Variants in KAZALD1 observed in about 807,000 individuals in gnomAD.
KAZALD1 encodes the protein kazal-type serine protease inhibitor domain-containing protein 1.
A neutral mutation model predicts 27.7 loss-of-function variants in KAZALD1; 31 were observed. That is an observed-to-expected ratio of 1.12 (90% CI 0.84 to 1.51). The LOEUF (loss-of-function observed/expected upper bound fraction) is 1.51. Among genes scored for constraint, KAZALD1 ranks in the 40% most tolerant of loss-of-function variants. KAZALD1 has a pLI of 0.00. For missense variants in KAZALD1, 444 were observed against 408.9 expected, an observed-to-expected ratio of 1.09 and a Z score of -0.74; for synonymous variants, 179 against 182.0, an observed-to-expected ratio of 0.98 and a Z score of 0.13.
At chr10:101,067,819 C>T (rs751721655), downstream of KAZALD1, 11 of 420,696 alleles carry the variant, frequency 2.6e-5, no homozygotes, top group Admixed American at 2.6e-4. Context: ...GCCTGGAAGC[C>T]CGAGAGATGA....
At position 101,062,736 on chromosome 10, in the gene KAZALD1, G is replaced by A. The variant is rs1293565284; in HGVS notation, c.144G>A (p.Ala48=). The A allele has an allele frequency of 6.5e-7, 1 of 1,541,344 alleles. No homozygotes were observed. ...YLRRGWMRLL[A]EGEGCAPCRP... Reference sequence around the variant, plus strand: ...GGCGCGGCTGGATGCGGCTGCTAGCGGAGGGCGAGGGCTGCGCTCCCTGCC... The same window carrying A: ...GGCGCGGCTGGATGCGGCTGCTAGCAGAGGGCGAGGGCTGCGCTCCCTGCC... The change falls in exon 2 of 5, where the codon GCG becomes GCA. Residue 48 remains alanine (A), a synonymous_variant. Transcript: ENST00000370200.
Position 101,062,839 on chromosome 10 carries a change from G to C in KAZALD1, c.247G>C (p.Ala83Pro). ...CGCGTGCGGCTGCTGCTGGGAATGC[G>C]CCAACCTCGAGGGCCAGCTCTGCGA... The part of the protein sequence containing the change: ...RDACGCCWEC[A>P]NLEGQLCDLD... The change falls in exon 2 of 5, where the codon GCC (alanine) becomes CCC (proline). Residue 83 changes from alanine (A) to proline (P), a missense_variant. By Grantham distance (27) the Ala-to-Pro change is conservative. Transcript: ENST00000370200. The C allele has an allele frequency of 6.3e-7, 1 of 1,592,582 alleles. No homozygotes were observed. Among genetic ancestry groups the C allele is most frequent in the Non-Finnish European group, 8.5e-7 (1 of 1,175,184 alleles).
downstream of KAZALD1, chr10:101,068,022 A>T (rs1564659404): frequency 2.1e-6 from 1 of 471,846 alleles, no homozygotes; most frequent in African/African-American, 2.0e-5. Flanking sequence ...GGAAGTAGCG[A>T]AGGAGTGCCA....
At chr10:101,063,329 G>T (rs529849759) in intron 2 of KAZALD1, among the ~76,000 whole-genome samples, 1 of 152,272 alleles carries the variant, frequency 6.6e-6, no homozygotes, top group East Asian at 1.9e-4. Context: ...TCGTCAGCAA[G>T]CTGCATTCGC....
At chr10:101,063,412 A>G (rs1256528431) in intron 2 of KAZALD1, among the ~76,000 whole-genome samples, 3 of 151,950 alleles carry the variant, frequency 2.0e-5, no homozygotes, top group Non-Finnish European at 4.4e-5. Flanking sequence ...CACATAACCT[A>G]TGGTTTGCTC....
At chr10:101,063,243 G>A in intron 2 of KAZALD1, 140 bp downstream of exon 2, 2 of 704,720 alleles carry the variant, frequency 2.8e-6, no homozygotes, top group Admixed American at 7.6e-5. Context: ...ATAAAACCCT[G>A]CTCTCGCTAC....
At position 101,064,559 on chromosome 10, in the gene KAZALD1, G is replaced by A. The variant is rs192798373; in HGVS notation, c.731G>A (p.Arg244His). 1.2e-4 allele frequency: 200 copies of A among 1,614,162 alleles called. 1 individual carries two copies. The highest frequency in any genetic ancestry group is 3.3e-4 in the Middle Eastern group (2 of 6,060). The change falls in exon 4 of 5, where the codon CGT becomes CAT. Residue 244 changes from arginine (R) to histidine (H), a missense_variant. Transcript: ENST00000370200. Reference protein sequence around the residue: ...VTGWLQIQAVRPSDEGTYRCL... With the variant: ...VTGWLQIQAVHPSDEGTYRCL... ...GGCTGGCTGCAGATCCAGGCTGTGC[G>A]TCCCAGTGATGAGGGCACTTACCGC...
Position 101,066,951 on chromosome 10 carries a change from G to T in KAZALD1, c.*2031G>T, listed in dbSNP as rs900028155. The T allele has an allele frequency of 5.1e-5, 16 of 315,996 alleles. No homozygotes were observed. Among genetic ancestry groups the T allele is most frequent in the African/African-American group, 3.5e-4 (16 of 45,722 alleles). 19.6% of individuals were successfully genotyped at this position (315,996 alleles called of 1,614,324 possible). ...TCCCTCCCCGCACCCCGCCTCTGCT[G>T]CAGCGGACCCGCTTTAATAATGTCG... On this transcript the variant is annotated 3_prime_UTR_variant, in exon 5 of 5. Transcript: ENST00000370200.
rs1564656687 is a variant in KAZALD1, at chr10:101,063,120, GC to G, written c.511+22del. On this transcript the variant is annotated intron_variant, in intron 2 of 4. Transcript: ENST00000370200. ...GCGAATCGGGTACGCATGGCCCGGGGCCCCCACCCCAGCACTTAGGTTTCCT... is the reference window on the plus strand; with the variant it reads ...GCGAATCGGGTACGCATGGCCCGGGGCCCCACCCCAGCACTTAGGTTTCCT... 6.6e-7 allele frequency: 1 copy of G among 1,520,508 alleles called. No individual in the cohort carries two copies. The highest frequency in any genetic ancestry group is 8.8e-7 in the Non-Finnish European group (1 of 1,137,802). The allele number at this position is 1,520,508 out of a possible 1,614,324, so 94.2% of individuals were successfully genotyped here. A position where few individuals can be genotyped will look rare whatever the true frequency, so the allele number is the denominator to read the frequency against.
At position 101,064,689 on chromosome 10, in the gene KAZALD1, C is replaced by T. The variant is rs775865693; in HGVS notation, c.820+41C>T. The T allele has an allele frequency of 5.6e-6, 9 of 1,611,876 alleles. No individual in the cohort carries two copies. The Admixed American group carries it at 1.5e-4, about 27-fold the overall frequency. ...AGTTCTGGGGGTTGGGGGGATGGTG[C>T]TGGATTCCAGTTGTGAATGTGTAAG... is the stretch of plus-strand genomic sequence containing the variant. On this transcript the variant is annotated intron_variant, in intron 4 of 4. Coordinates refer to ENST00000370200, the MANE Select transcript of KAZALD1 (RefSeq NM_030929.5).
intron 2 of KAZALD1, among the ~76,000 whole-genome samples, chr10:101,063,429 C>G (rs1034170317): frequency 3.3e-5 from 5 of 152,224 alleles, no homozygotes; most frequent in South Asian, 2.1e-4. Context: ...GCTCAGAGAC[C>G]CCCCCGACTT....
rs371220007 is a variant in KAZALD1, at chr10:101,064,923, C to T, written c.*3C>T. On this transcript the variant is annotated 3_prime_UTR_variant, in exon 5 of 5. Coordinates refer to ENST00000370200, the MANE Select transcript of KAZALD1 (RefSeq NM_030929.5). ...AAGAGAATGACGATTACTACTAGGT[C>T]CAGAGCTCTGGCCCATGGGGGTGGG... 1.7e-5 allele frequency: 28 copies of T among 1,607,716 alleles called. No individual in the cohort carries two copies. The highest frequency in any genetic ancestry group is 1.2e-4 in the Admixed American group (7 of 59,982).
chr10:101,066,495 G>A lies in KAZALD1; in HGVS notation c.*1575G>A. The A allele has an allele frequency of 2.2e-6, 1 of 456,524 alleles. No homozygotes were observed. The highest frequency in any genetic ancestry group is 1.5e-5 in the South Asian group (1 of 64,544). 28.3% of individuals were successfully genotyped at this position (456,524 alleles called of 1,614,324 possible). On this transcript the variant is annotated 3_prime_UTR_variant, in exon 5 of 5. Transcript: ENST00000370200. ...AGGAGCCGCGCACAACAGCGCAAGC[G>A]GGCTGGATACCGGGAGCCGATTCCA...
At position 101,066,744 on chromosome 10, in the gene KAZALD1, C is replaced by T. The variant is rs1168340982; in HGVS notation, c.*1824C>T. 2 of 345,532 alleles carry T rather than the reference C, an allele frequency of 5.8e-6. No individual in the cohort carries two copies. The highest frequency in any genetic ancestry group is 4.3e-5 in the African/African-American group (2 of 46,544). The allele number at this position is 345,532 out of a possible 1,614,324, so 21.4% of individuals were successfully genotyped here. ...CCACCTGCAGAGCAGAGGCTCCTCA[C>T]CAAAAGCCCCACCCCACCGGAGAGG... On this transcript the variant is annotated 3_prime_UTR_variant, in exon 5 of 5. Coordinates refer to ENST00000370200, the MANE Select transcript of KAZALD1 (RefSeq NM_030929.5).
At position 101,066,172 on chromosome 10, in the gene KAZALD1, G is replaced by T; in HGVS notation, c.*1252G>T. The T allele has an allele frequency of 3.0e-6, 1 of 330,008 alleles. No homozygotes were observed. Among genetic ancestry groups the T allele is most frequent in the Non-Finnish European group, 6.0e-6 (1 of 165,964 alleles). The allele number at this position is 330,008 out of a possible 1,614,324, so 20.4% of individuals were successfully genotyped here. On this transcript the variant is annotated 3_prime_UTR_variant, in exon 5 of 5. Coordinates refer to ENST00000370200, the MANE Select transcript of KAZALD1 (RefSeq NM_030929.5). ...GAGGAAAGAATGAAAGCATAAGTCA[G>T]CGAGGCCGAGGCGCTGTGTGTAGAT...
At chr10:101,063,609 G>A (rs905078503) in intron 2 of KAZALD1, among the ~76,000 whole-genome samples, 1 of 152,216 alleles carries the variant, frequency 6.6e-6, no homozygotes, top group East Asian at 1.9e-4. Context: ...GGGGACTGGG[G>A]TCCATTCAGG....
rs762630878 is a variant in KAZALD1 at position 101,064,281 on chromosome 10, C to A, written c.532C>A (p.Pro178Thr). 2 of 1,614,076 alleles carry A rather than the reference C, an allele frequency of 1.2e-6. No individual in the cohort carries two copies. Among genetic ancestry groups the A allele is most frequent in the East Asian group, 2.2e-5 (1 of 44,904 alleles). Residue 178 changes from proline to threonine, a missense_variant, in exon 3 of 5, where the codon CCA becomes ACA. Pro to Thr is a conservative substitution (Grantham distance 38). Coordinates refer to ENST00000370200, the MANE Select transcript of KAZALD1 (RefSeq NM_030929.5). ...CESGPQIVSH[P>T]YDTWNVTGQD... ...CCCAGGGCCCCAGATCGTGTCACAT[C>A]CATATGACACTTGGAATGTGACAGG...
At chr10:101,068,016 G>T (rs1343665856), downstream of KAZALD1, 1 of 471,866 alleles carries the variant, frequency 2.1e-6, no homozygotes, top group South Asian at 1.5e-5. Context: ...AGTACAGGAA[G>T]TAGCGAAGGA....
At chr10:101,064,065 G>T (rs1939245060) in intron 2 of KAZALD1, 196 bp from the exon 3 acceptor site, 1 of 620,396 alleles carries the variant, frequency 1.6e-6, no homozygotes, top group African/African-American at 1.8e-5. Flanking sequence ...CGTCTGCGTG[G>T]TACCCTTGTG....
Sources: allele counts gnomAD v4.1 joint callset (sites outside exome capture counted in the v4.1 genomes callset), GRCh38; gene constraint gnomAD v4.1.1; transcripts MANE v1.5; gene names NCBI Gene and HGNC (gene_info 2026-07-23, HGNC 2026-07-21).